DMD: variants seen among roughly 807,000 people sequenced by gnomAD.
The protein encoded by DMD is dystrophin, also known as mutant dystrophin.
A neutral mutation model predicts 330.1 loss-of-function variants in DMD; 63 were observed. That is an observed-to-expected ratio of 0.19 (90% CI 0.16 to 0.24). The LOEUF (loss-of-function observed/expected upper bound fraction) is 0.24, where lower values mean the gene tolerates loss of function less well. DMD is among the 10% of genes least tolerant of loss of function. The pLI is 1.00. For missense variants in DMD, 3,344 were observed against 2,684.1 expected (o/e 1.25, Z -5.43); for synonymous variants, 1,223 against 959.8 (o/e 1.27, Z -5.07).
chrX:32,786,086 A>AGTGTGTGTGTGTGTGTGT (rs368269067), intron 7 of DMD, among the ~76,000 whole-genome samples: 69 of 96,567 alleles, frequency 7.1e-4, no homozygotes, highest in African/African-American at 2.6e-3. Flanking sequence ...GAGGAATAAG[A>AGTGTGTGTGTGTGTGTGT]GTGTGTGTGT....
intron 1 of DMD, among the ~76,000 whole-genome samples, chrX:33,295,546 G>A (rs73461903): frequency 0.024 from 2,626 of 111,294 alleles, 63 homozygotes; most frequent in African/African-American, 0.08. Context: ...ACATAGATAT[G>A]TAAATTCAGC....
chrX:32,340,876 G>A (rs970528046), intron 41 of DMD, among the ~76,000 whole-genome samples: 2 of 111,552 alleles, frequency 1.8e-5, no homozygotes, highest in Non-Finnish European at 3.8e-5. Context: ...ATGCAATACA[G>A]TTTCGCTATT....
At chrX:31,779,642 C>A (rs1016827177) in intron 50 of DMD, among the ~76,000 whole-genome samples, 1 of 109,817 alleles carries the variant, frequency 9.1e-6, no homozygotes, top group Non-Finnish European at 1.9e-5. Context: ...TTACAATGTA[C>A]AAAATTAAAC....
chrX:33,164,525 A>G (rs1406477737), intron 1 of DMD, among the ~76,000 whole-genome samples: 1 of 112,200 alleles, frequency 8.9e-6, no homozygotes, highest in East Asian at 2.8e-4. Flanking sequence ...TTCTAAAAGC[A>G]GATAAGCAGA....
intron 27 of DMD, among the ~76,000 whole-genome samples, chrX:32,443,132 A>G (rs1327227399): frequency 9.0e-6 from 1 of 110,885 alleles, no homozygotes; most frequent in Non-Finnish European, 1.9e-5. Context: ...TGCAGCAATC[A>G]TCACCACTTA....
At chrX:32,350,481 T>C (rs182587618) in intron 37 of DMD, among the ~76,000 whole-genome samples, 139 of 111,401 alleles carry the variant, frequency 1.2e-3, no homozygotes, top group African/African-American at 4.4e-3. Flanking sequence ...ACGTAAGTCA[T>C]GCTATTTTTG....
At chrX:31,179,222 A>C (rs754605183) in intron 69 of DMD, among the ~76,000 whole-genome samples, 1 of 112,845 alleles carries the variant, frequency 8.9e-6, no homozygotes, top group African/African-American at 3.2e-5. Flanking sequence ...ATTTCGGTCT[A>C]TTCATAGCAT....
chrX:31,804,594 T>C (rs1234271792), intron 50 of DMD, among the ~76,000 whole-genome samples: 3 of 112,021 alleles, frequency 2.7e-5, no homozygotes, highest in African/African-American at 9.8e-5. Flanking sequence ...TTCTCTAACA[T>C]GTCTTAAAAT....
chrX:31,452,012 C>T (rs988169424), intron 59 of DMD, among the ~76,000 whole-genome samples: 6 of 109,252 alleles, frequency 5.5e-5, no homozygotes, highest in African/African-American at 2.0e-4. Flanking sequence ...AACTGAATAA[C>T]AATATAAATA....
At chrX:31,462,863 C>CT (rs2066621474) in intron 59 of DMD, among the ~76,000 whole-genome samples, 1 of 107,014 alleles carries the variant, frequency 9.3e-6, no homozygotes, top group African/African-American at 3.7e-5. Context: ...AGGGTCTGCT[C>CT]TTTTTGTCTG....
At chrX:31,317,407 G>C (rs2056097973) in intron 62 of DMD, among the ~76,000 whole-genome samples, 1 of 111,102 alleles carries the variant, frequency 9.0e-6, no homozygotes, top group Non-Finnish European at 1.9e-5. Context: ...TGTTCACATT[G>C]TATGAAAGAT....
At chrX:31,798,807 G>A (rs184745123) in intron 50 of DMD, among the ~76,000 whole-genome samples, 11 of 111,996 alleles carry the variant, frequency 9.8e-5, no homozygotes, top group Admixed American at 4.7e-4. Flanking sequence ...AAAAGTAAGA[G>A]AGTGAGAGGG....
rs886043271 is a variant in DMD, at chrX:31,627,740, T to A, written c.8150A>T (p.Asp2717Val). 1 of 1,211,286 alleles carries A rather than the reference T, an allele frequency of 8.3e-7. No individual in the cohort carries two copies. ...TAGGAGCCTTTCCTTACGGGTAGCA[T>A]CCTGTAGGACATTGGCAGTTGTTTC... ...EAETTANVLQ[D>V]ATRKERLLED... The change falls in exon 55 of 79, where the codon GAT (aspartate) becomes GTT (valine). Residue 2717 changes from aspartate to valine, a missense_variant. Transcript: ENST00000357033.
At position 31,996,650 on chromosome X, in the gene DMD, A is replaced by G. The variant is rs191722145; in HGVS notation, c.6439-28136T>C. On this transcript the variant is annotated intron_variant, in intron 44 of 78. Transcript: ENST00000357033. ...GGGCTTCAATTTTATATCAGCTATGATAAAAGACAGTAACTCAAAGGCTTG... is the reference window on the plus strand; with the variant it reads ...GGGCTTCAATTTTATATCAGCTATGGTAAAAGACAGTAACTCAAAGGCTTG... Among the ~76,000 whole-genome samples the G allele has an allele frequency of 6.8e-3, 756 of 111,946 alleles. 7 individuals are homozygous for G. Among genetic ancestry groups the G allele is most frequent in the African/African-American group, 0.023 (722 of 30,906 alleles).
At chrX:32,998,790 T>C (rs1479142351) in intron 2 of DMD, among the ~76,000 whole-genome samples, 1 of 111,936 alleles carries the variant, frequency 8.9e-6, no homozygotes, top group Non-Finnish European at 1.9e-5. Context: ...ACATATAACA[T>C]ATTCTCCAGT....
At chrX:32,830,941 TTAAA>T (rs2079102225) in intron 4 of DMD, among the ~76,000 whole-genome samples, 1 of 111,513 alleles carries the variant, frequency 9.0e-6, no homozygotes, top group Admixed American at 9.6e-5. Flanking sequence ...ACCTAATACA[TTAAA>T]TTATTCTTTA....
At position 32,999,604 on chromosome X, in the gene DMD, C is replaced by T. The variant is rs187092819; in HGVS notation, c.93+20535G>A. Reference sequence around the variant, plus strand: ...CATCCTGGCTAACATGGTGAAACCCCGCCTCTACTAAAAATACAAAAATTA... The same window carrying T: ...CATCCTGGCTAACATGGTGAAACCCTGCCTCTACTAAAAATACAAAAATTA... On this transcript the variant is annotated intron_variant, in intron 2 of 78. Transcript: ENST00000357033. Among the ~76,000 whole-genome samples the T allele has an allele frequency of 6.4e-3, 711 of 110,287 alleles. 9 individuals carry two copies. The highest frequency in any genetic ancestry group is 0.023 in the African/African-American group (689 of 30,353).
At chrX:33,191,385 A>G (rs1276485756) in intron 1 of DMD, among the ~76,000 whole-genome samples, 1 of 105,050 alleles carries the variant, frequency 9.5e-6, no homozygotes, top group Non-Finnish European at 2.0e-5. Context: ...ACACTTCTTG[A>G]CAACACATAG....
At chrX:32,788,854 T>C (rs1429141457) in intron 7 of DMD, among the ~76,000 whole-genome samples, 1 of 112,320 alleles carries the variant, frequency 8.9e-6, no homozygotes, top group Non-Finnish European at 1.9e-5. Flanking sequence ...TTATTAAAAA[T>C]TCTTCTAGTT....
Sources: gnomAD v4.1 joint callset for allele counts (sites outside exome capture counted in the v4.1 genomes callset) on GRCh38, gnomAD v4.1.1 for gene constraint, MANE v1.5 for transcripts, NCBI Gene and HGNC (gene_info 2026-07-23, HGNC 2026-07-21) for gene names.